The following CTNND2 variants were observed in gnomAD, a reference collection of about 807,000 sequenced individuals.
The protein encoded by CTNND2 is catenin delta-2.
Under a neutral mutation model 144.4 loss-of-function variants are expected in CTNND2, and 22 were observed. The ratio of observed to expected loss-of-function variants is 0.15; its 90% CI spans 0.11 to 0.22. The LOEUF is 0.22. Ranked by LOEUF, CTNND2 falls within the 10% of genes least tolerant of loss-of-function variation. The probability of loss-of-function intolerance (pLI) is 1.00; values close to 1 mark genes in which losing one functional copy is unlikely to be tolerated. For synonymous variants in CTNND2, 751 were observed against 695.6 expected (o/e 1.08, Z -1.25); for missense variants, 1,353 against 1,618.8 (o/e 0.84, Z 2.82).
intron 20 of CTNND2, among the ~76,000 whole-genome samples, chr5:10,983,944 C>T (rs6859430): frequency 0.12 from 18,147 of 152,066 alleles, 1,433 homozygotes; most frequent in African/African-American, 0.22. Context: ...TTCCTCAGAG[C>T]GGGCCAAACT....
intron 19 of CTNND2, among the ~76,000 whole-genome samples, chr5:10,989,184 G>A (rs1208404299): frequency 6.6e-6 from 1 of 152,226 alleles, no homozygotes; most frequent in Non-Finnish European, 1.5e-5. Context: ...GAGGGGCACT[G>A]GGAGAGGTTG....
Position 11,397,461 on chromosome 5 carries a change from C to A in CTNND2, c.440-258G>T, listed in dbSNP as rs31837. Among the ~76,000 whole-genome samples the A allele has an allele frequency of 0.13, 19,044 of 151,970 alleles. 1,554 individuals are homozygous for A. The highest frequency in any genetic ancestry group is 0.24 in the African/African-American group (9,832 of 41,406). ...TTTCAAATGATCTCATCCTGACCTACATAGAGACATTTCTTATGAGACAAA... is the reference window on the plus strand; with the variant it reads ...TTTCAAATGATCTCATCCTGACCTAAATAGAGACATTTCTTATGAGACAAA... On this transcript the variant is annotated intron_variant, in intron 5 of 21. Transcript: ENST00000304623.
intron 13 of CTNND2, among the ~76,000 whole-genome samples, chr5:11,112,103 C>A (rs190850195): frequency 1.6e-4 from 24 of 152,290 alleles, no homozygotes; most frequent in African/African-American, 5.3e-4. Context: ...CTTGCTTAGG[C>A]CTCCCAAAGT....
At chr5:11,061,545 C>T (rs962351521) in intron 16 of CTNND2, among the ~76,000 whole-genome samples, 1 of 152,122 alleles carries the variant, frequency 6.6e-6, no homozygotes, top group African/African-American at 2.4e-5. Flanking sequence ...TCTTGCTGCT[C>T]CCTTGCCCAG....
At chr5:11,291,637 C>T (rs1748361092) in intron 9 of CTNND2, among the ~76,000 whole-genome samples, 1 of 152,066 alleles carries the variant, frequency 6.6e-6, no homozygotes, top group Non-Finnish European at 1.5e-5. Flanking sequence ...CTGGTACCGC[C>T]CTATCTCCCC....
intron 7 of CTNND2, among the ~76,000 whole-genome samples, chr5:11,373,266 A>G (rs1757625074): frequency 6.6e-6 from 1 of 152,088 alleles, no homozygotes; most frequent in Non-Finnish European, 1.5e-5. Flanking sequence ...TTTTTAAGAC[A>G]GGGTCTCACT....
chr5:11,196,521 G>A (rs368229300), intron 11 of CTNND2, among the ~76,000 whole-genome samples: 2 of 152,290 alleles, frequency 1.3e-5, no homozygotes, highest in South Asian at 2.1e-4. Context: ...GAAGTAAGGG[G>A]TATAGTTCTT....
At chr5:11,835,576 C>A (rs73743282) in intron 1 of CTNND2, among the ~76,000 whole-genome samples, 1,700 of 152,250 alleles carry the variant, frequency 0.011, 21 homozygotes, top group East Asian at 0.062. Context: ...TCCATCTCAT[C>A]TAAAGTGTCA....
At chr5:11,165,361 C>A (rs192872013) in intron 11 of CTNND2, among the ~76,000 whole-genome samples, 2 of 152,238 alleles carry the variant, frequency 1.3e-5, no homozygotes, top group African/African-American at 4.8e-5. Context: ...ACTAAAATTT[C>A]AATCTGAGGA....
chr5:11,022,690 T>C (rs1200492605), intron 17 of CTNND2, 79 bp downstream of exon 17: 1 of 1,037,048 alleles, frequency 9.6e-7, no homozygotes, highest in African/African-American at 1.6e-5. Context: ...GTCATAGTAC[T>C]ACCCGTCATC....
At chr5:11,280,898 T>A (rs1747043626) in intron 9 of CTNND2, among the ~76,000 whole-genome samples, 1 of 152,030 alleles carries the variant, frequency 6.6e-6, no homozygotes, top group Non-Finnish European at 1.5e-5. Flanking sequence ...ACTCCCTGGA[T>A]CAAGGAGCAA....
At chr5:11,281,443 C>T (rs755114503) in intron 9 of CTNND2, among the ~76,000 whole-genome samples, 1 of 152,202 alleles carries the variant, frequency 6.6e-6, no homozygotes, top group Non-Finnish European at 1.5e-5. Context: ...CAAATAGCCA[C>T]AGAATTCCAC....
At chr5:11,783,324 C>T (rs940130939) in intron 1 of CTNND2, among the ~76,000 whole-genome samples, 29 of 152,110 alleles carry the variant, frequency 1.9e-4, no homozygotes, top group Non-Finnish European at 1.5e-5. Flanking sequence ...CTTGACAGCT[C>T]TCCCCATTTG....
At chr5:11,703,342 T>C (rs1785541183) in intron 2 of CTNND2, among the ~76,000 whole-genome samples, 2 of 152,190 alleles carry the variant, frequency 1.3e-5, no homozygotes, top group African/African-American at 4.8e-5. Context: ...ATCTATTTGG[T>C]GGATTATTCC....
intron 16 of CTNND2, among the ~76,000 whole-genome samples, chr5:11,077,094 G>A (rs1447041640): frequency 2.0e-5 from 3 of 152,012 alleles, no homozygotes; most frequent in Non-Finnish European, 4.4e-5. Flanking sequence ...TTAAGATGAC[G>A]ACAAGCAGGA....
At chr5:11,617,490 T>C (rs577297866) in intron 2 of CTNND2, among the ~76,000 whole-genome samples, 3 of 152,354 alleles carry the variant, frequency 2.0e-5, no homozygotes, top group Non-Finnish European at 2.9e-5. Flanking sequence ...ATGTATACTA[T>C]AACAGGTACA....
chr5:11,766,565 G>A (rs751301896), intron 1 of CTNND2, among the ~76,000 whole-genome samples: 23 of 152,036 alleles, frequency 1.5e-4, no homozygotes, highest in Non-Finnish European at 2.8e-4. Context: ...AGGCTTCCCC[G>A]GCCACATAGA....
intron 9 of CTNND2, among the ~76,000 whole-genome samples, chr5:11,309,952 C>T (rs1750628067): frequency 6.6e-6 from 1 of 152,128 alleles, no homozygotes; most frequent in Non-Finnish European, 1.5e-5. Context: ...CCTCTGCCTT[C>T]TGCCATTATT....
intron 1 of CTNND2, among the ~76,000 whole-genome samples, chr5:11,813,840 A>G (rs1032245495): frequency 1.4e-4 from 21 of 152,324 alleles, no homozygotes; most frequent in African/African-American, 4.6e-4. Context: ...ATCAGCATGC[A>G]TGTAACTGAC....
Sources: gnomAD v4.1 joint callset for allele counts (sites outside exome capture counted in the v4.1 genomes callset) on GRCh38, gnomAD v4.1.1 for gene constraint, MANE v1.5 for transcripts, NCBI Gene and HGNC (gene_info 2026-07-23, HGNC 2026-07-21) for gene names.